The following PPEF2 variants were observed in gnomAD, a reference collection of about 807,000 sequenced individuals.
PPEF2 encodes protein phosphatase with EF-hand domain 2.
PPEF2 carries 84 observed loss-of-function variants against 84.7 expected under a neutral mutation model. The ratio of observed to expected loss-of-function variants is 0.99; its 90% CI spans 0.83 to 1.19. The LOEUF is 1.19. Ranked by LOEUF, PPEF2 falls within the 50% of genes most tolerant of loss-of-function variation. The pLI, the probability that PPEF2 is intolerant of heterozygous loss-of-function variation, is 0.00. For synonymous variants in PPEF2, 346 were observed against 345.2 expected (o/e 1.00, Z -0.03); for missense variants, 924 against 937.5 (o/e 0.99, Z 0.19).
intron 16 of PPEF2, among the ~76,000 whole-genome samples, chr4:75,861,219 G>T (rs1227015340): frequency 6.6e-6 from 1 of 152,060 alleles, no homozygotes; most frequent in Admixed American, 6.5e-5. Context: ...ATAAAGGCCA[G>T]ACATGCTGCC....
chr4:75,891,577 C>G, intron 4 of PPEF2, 71 bp downstream of exon 4: 1 of 1,483,830 alleles, frequency 6.7e-7, no homozygotes, highest in African/African-American at 1.4e-5. Flanking sequence ...ACTCCCTGTG[C>G]ATCCCCCACC....
chr4:75,894,738 A>G (rs1724969008), intron 2 of PPEF2, among the ~76,000 whole-genome samples: 1 of 152,160 alleles, frequency 6.6e-6, no homozygotes, highest in Non-Finnish European at 1.5e-5. Flanking sequence ...AAGTTTCTGT[A>G]CCTTGCGTGA....
intron 10 of PPEF2, among the ~76,000 whole-genome samples, chr4:75,879,985 C>T (rs1225171051): frequency 1.3e-5 from 2 of 151,874 alleles, no homozygotes. Flanking sequence ...CGCGTCACCA[C>T]ATCCAGCTAA....
chr4:75,873,764 C>A (rs986050291), intron 11 of PPEF2, among the ~76,000 whole-genome samples: 2 of 151,760 alleles, frequency 1.3e-5, no homozygotes, highest in Non-Finnish European at 2.9e-5. Flanking sequence ...AAAATGCAAT[C>A]GACATTTTAT....
chr4:75,864,656 A>G lies in PPEF2; in HGVS notation c.1921-129T>C. 4.3e-6 allele frequency: 3 copies of G among 699,570 alleles called. No individual in the cohort carries two copies. The South Asian group carries it at 5.2e-5, about 12-fold the overall frequency. 43.3% of individuals were successfully genotyped at this position (699,570 alleles called of 1,614,324 possible). ...CCTGAAAATATTTTGCCATCCCTCCATTCCCTCTACCCAGTTCAGCCCATC... is the reference window on the plus strand; with the variant it reads ...CCTGAAAATATTTTGCCATCCCTCCGTTCCCTCTACCCAGTTCAGCCCATC... On this transcript the variant is annotated intron_variant, in intron 15 of 16. Transcript: ENST00000286719.
chr4:75,861,042 A>G, intron 16 of PPEF2, 122 bp from the exon 17 acceptor site: 1 of 1,184,436 alleles, frequency 8.4e-7, no homozygotes, highest in Non-Finnish European at 1.2e-6. Context: ...AAATCCTAGT[A>G]TCTAATTTAA....
chr4:75,871,930 A>C, intron 13 of PPEF2, 95 bp downstream of exon 13: 1 of 1,348,754 alleles, frequency 7.4e-7, no homozygotes, highest in Non-Finnish European at 1.0e-6. Flanking sequence ...ATTCTCACGT[A>C]GAATTTGAAT....
intron 10 of PPEF2, among the ~76,000 whole-genome samples, chr4:75,877,760 A>C (rs1004354728): frequency 2.6e-5 from 4 of 151,730 alleles, no homozygotes; most frequent in African/African-American, 9.7e-5. Flanking sequence ...GGGTTGTTTT[A>C]CATATTATTT....
chr4:75,886,060 A>C (rs967324731), intron 7 of PPEF2, among the ~76,000 whole-genome samples: 1 of 151,976 alleles, frequency 6.6e-6, no homozygotes, highest in African/African-American at 2.4e-5. Context: ...TACCCTACTG[A>C]TGATCTGTTG....
intron 2 of PPEF2, among the ~76,000 whole-genome samples, chr4:75,895,768 C>T (rs1711853682): frequency 6.6e-6 from 1 of 151,922 alleles, no homozygotes; most frequent in Non-Finnish European, 1.5e-5. Flanking sequence ...AGATAGGATC[C>T]TTGATCTGTC....
chr4:75,865,953 G>A (rs979920953), intron 15 of PPEF2, among the ~76,000 whole-genome samples: 8 of 152,124 alleles, frequency 5.3e-5, no homozygotes, highest in Non-Finnish European at 1.2e-4. Context: ...GTCCTCATAC[G>A]TGTAATGGTG....
intron 1 of PPEF2, among the ~76,000 whole-genome samples, chr4:75,898,432 T>G (rs1055181654): frequency 6.6e-6 from 1 of 152,240 alleles, no homozygotes; most frequent in Non-Finnish European, 1.5e-5. Context: ...CCACTTCTCT[T>G]AAGCTGGCTA....
chr4:75,867,224 C>A, intron 14 of PPEF2, 89 bp downstream of exon 14: 2 of 959,212 alleles, frequency 2.1e-6, no homozygotes, highest in South Asian at 1.7e-5. Context: ...CTCATTAAAG[C>A]AACAAATATT....
intron 10 of PPEF2, among the ~76,000 whole-genome samples, chr4:75,878,275 T>C (rs954350963): frequency 3.3e-5 from 5 of 152,136 alleles, no homozygotes; most frequent in Admixed American, 6.6e-5. Context: ...TGGCACGAAT[T>C]CTGATCAGGG....
intron 11 of PPEF2, among the ~76,000 whole-genome samples, chr4:75,874,833 A>G (rs1210142045): frequency 6.7e-6 from 1 of 149,636 alleles, no homozygotes; most frequent in Non-Finnish European, 1.5e-5. Flanking sequence ...CTTTCTCACT[A>G]CCCTCCATCC....
intron 7 of PPEF2, among the ~76,000 whole-genome samples, chr4:75,885,093 A>G (rs535973722): frequency 6.6e-6 from 1 of 152,324 alleles, no homozygotes; most frequent in Admixed American, 6.5e-5. Context: ...AATACTTGCC[A>G]TAGATTTCTC....
At chr4:75,886,428 G>A (rs918321485) in intron 7 of PPEF2, among the ~76,000 whole-genome samples, 2 of 152,216 alleles carry the variant, frequency 1.3e-5, no homozygotes, top group African/African-American at 4.8e-5. Flanking sequence ...CACGTTCGTG[G>A]GGAACCTGAC....
intron 16 of PPEF2, among the ~76,000 whole-genome samples, chr4:75,862,520 A>T (rs1724032161): frequency 6.6e-6 from 1 of 152,048 alleles, no homozygotes; most frequent in Non-Finnish European, 1.5e-5. Context: ...CAAAAGAGAT[A>T]TACAAATGGC....
rs930505864 is a variant in PPEF2 at position 75,896,194 on chromosome 4, T to G, written c.55+77A>C. On this transcript the variant is annotated intron_variant, in intron 2 of 16. Transcript: ENST00000286719. The stretch of plus-strand genomic sequence containing the variant: ...TTTAAGGGTTTTTCTGCTTCTACCC[T>G]CAGAACCCCCAACCCTCTCCATGCA... The G allele has an allele frequency of 7.3e-6, 11 of 1,515,730 alleles. No individual in the cohort carries two copies. The African/African-American group carries it at 1.2e-4, about 17-fold the overall frequency. 93.9% of individuals were successfully genotyped at this position (1,515,730 alleles called of 1,614,324 possible). A position where few individuals can be genotyped will look rare whatever the true frequency, so the allele number is the denominator to read the frequency against.
Sources: allele counts gnomAD v4.1 joint callset (sites outside exome capture counted in the v4.1 genomes callset), GRCh38; gene constraint gnomAD v4.1.1; transcripts MANE v1.5; gene names NCBI Gene and HGNC (gene_info 2026-07-23, HGNC 2026-07-21).